The following BANP variants were observed in gnomAD, a reference collection of about 807,000 sequenced individuals.
The protein encoded by BANP is protein BANP.
Under a neutral mutation model 68.1 loss-of-function variants are expected in BANP, and 11 were observed. The observed-to-expected ratio is 0.16, with a 90% CI of 0.10 to 0.27. BANP has a LOEUF of 0.27. Among genes scored for constraint, BANP ranks in the 10% least tolerant of loss-of-function variants. The pLI is 1.00. For missense variants in BANP, 504 were observed against 722.7 expected, an observed-to-expected ratio of 0.70 and a Z score of 3.47; for synonymous variants, 329 against 303.2, an observed-to-expected ratio of 1.09 and a Z score of -0.88.
intron 11 of BANP, among the ~76,000 whole-genome samples, chr16:88,040,130 A>G (rs908128143): frequency 1.1e-4 from 17 of 152,146 alleles, no homozygotes; most frequent in Non-Finnish European, 1.8e-4. Context: ...ATCTTGGTAC[A>G]TGGCCCCTGC....
intron 8 of BANP, 80 bp downstream of exon 8, chr16:88,027,730 G>A: frequency 6.6e-7 from 1 of 1,525,404 alleles, no homozygotes; most frequent in Non-Finnish European, 8.9e-7. Flanking sequence ...GGCAGCCAGT[G>A]CGTGGCCAGC....
At chr16:88,058,240 T>C (rs971537042) in intron 11 of BANP, among the ~76,000 whole-genome samples, 2 of 152,148 alleles carry the variant, frequency 1.3e-5, no homozygotes, top group Non-Finnish European at 2.9e-5. Flanking sequence ...TTTGGGAAAC[T>C]GAAGGACAGT....
At chr16:88,014,754 G>A (rs560039547) in intron 6 of BANP, among the ~76,000 whole-genome samples, 45 of 152,152 alleles carry the variant, frequency 3.0e-4, no homozygotes, top group Admixed American at 3.3e-4. Context: ...TGGTGGCTCA[G>A]GATGCTGCTG....
In BANP at chr16:88,026,014, G is replaced by C. The variant is rs533971210; in HGVS notation, c.896-1469G>C. Reference sequence around the variant, plus strand: ...TCCTGTGGCCTAGTGGGAAGTGGCCGGGCGTGCAGTGGGGCGCTGGCTCCC... The same window carrying C: ...TCCTGTGGCCTAGTGGGAAGTGGCCCGGCGTGCAGTGGGGCGCTGGCTCCC... On this transcript the variant is annotated intron_variant, in intron 7 of 13. Coordinates refer to ENST00000682872, the MANE Select transcript of BANP (RefSeq NM_001386991.1). Among the ~76,000 whole-genome samples the C allele has an allele frequency of 3.3e-5, 5 of 152,294 alleles. No individual in the cohort carries two copies. In the East Asian group the frequency reaches 7.7e-4, roughly 24 times the overall value.
chr16:87,979,169 A>C (rs777369269), intron 2 of BANP, among the ~76,000 whole-genome samples: 1 of 152,128 alleles, frequency 6.6e-6, no homozygotes, highest in Non-Finnish European at 1.5e-5. Context: ...AGGCATGGAC[A>C]GTCTTTTTTG....
chr16:87,998,433 G>T (rs1336632720), intron 4 of BANP, among the ~76,000 whole-genome samples: 1 of 152,134 alleles, frequency 6.6e-6, no homozygotes, highest in African/African-American at 2.4e-5. Context: ...TGTGCCATCT[G>T]CGTGGGCTGC....
rs564047418 is a variant in BANP, at chr16:88,036,944, G to A, written c.1273-1029G>A. ...GGGCCTGAGTGGCTGCGAGGTGCAG[G>A]ATCCCAGCAGCACCTTCCAGTGCAG... On this transcript the variant is annotated intron_variant, in intron 10 of 13. Transcript: ENST00000682872. The surrounding 1 kb of genome is among the most constrained non-coding windows in gnomAD (Gnocchi z 4.2). Among the ~76,000 whole-genome samples, 1 of 152,288 alleles carries A rather than the reference G, an allele frequency of 6.6e-6. No homozygotes were observed. The highest frequency in any genetic ancestry group is 2.1e-4 in the South Asian group (1 of 4,820).
At chr16:87,959,156 G>A (rs754564700) in intron 1 of BANP, among the ~76,000 whole-genome samples, 1 of 152,226 alleles carries the variant, frequency 6.6e-6, no homozygotes, top group Non-Finnish European at 1.5e-5. Context: ...TGGCCTTGTG[G>A]GGCGTGGGAT....
intron 11 of BANP, among the ~76,000 whole-genome samples, chr16:88,050,283 G>A (rs1598872316): frequency 1.3e-5 from 2 of 151,718 alleles, no homozygotes; most frequent in South Asian, 2.1e-4. Context: ...CAGCCTCCCC[G>A]GTGGCTGGGA....
At chr16:87,958,416 G>A (rs531854867) in intron 1 of BANP, among the ~76,000 whole-genome samples, 8 of 152,306 alleles carry the variant, frequency 5.3e-5, no homozygotes, top group East Asian at 1.9e-4. Flanking sequence ...ACTTACCATC[G>A]TAGGCCCCAG....
At chr16:88,021,264 C>T (rs920010860) in intron 7 of BANP, among the ~76,000 whole-genome samples, 4 of 152,182 alleles carry the variant, frequency 2.6e-5, no homozygotes, top group Non-Finnish European at 5.9e-5. Flanking sequence ...CTGAGCTGGG[C>T]TCTGGAGCAC....
intron 6 of BANP, chr16:88,017,096 C>T (rs2074754269): frequency 6.6e-6 from 1 of 152,264 alleles, no homozygotes; most frequent in Non-Finnish European, 1.5e-5. Flanking sequence ...CTCCAGGCTT[C>T]CTGGCCCGGC....
intron 6 of BANP, among the ~76,000 whole-genome samples, chr16:88,012,272 T>C (rs1374494853): frequency 1.3e-5 from 2 of 152,246 alleles, no homozygotes; most frequent in African/African-American, 4.8e-5. Flanking sequence ...TATCCATTGT[T>C]GGAACCATGT....
At chr16:88,047,627 C>T (rs1832229775) in intron 11 of BANP, among the ~76,000 whole-genome samples, 1 of 152,136 alleles carries the variant, frequency 6.6e-6, no homozygotes, top group Non-Finnish European at 1.5e-5. Flanking sequence ...ATTCAGGGCG[C>T]CGGGCCTCAC....
chr16:88,075,930 G>C (rs1377589934), intron 13 of BANP, among the ~76,000 whole-genome samples: 1 of 151,786 alleles, frequency 6.6e-6, no homozygotes, highest in Admixed American at 6.6e-5. Flanking sequence ...ATTTATTGTA[G>C]AGACGAGGTT....
chr16:87,965,172 C>A (rs1296909233), intron 1 of BANP, among the ~76,000 whole-genome samples: 2 of 152,036 alleles, frequency 1.3e-5, no homozygotes, highest in Non-Finnish European at 2.9e-5. Flanking sequence ...GGAGTGGGGG[C>A]CAGGCAGGGA....
rs188561243 is a variant in BANP, at chr16:88,018,053, G to C, written c.656-375G>C. On this transcript the variant is annotated intron_variant, in intron 6 of 13. Transcript: ENST00000682872. The surrounding 1 kb of genome is among the most constrained non-coding windows in gnomAD (Gnocchi z 7.7). ...CTGGCAGTGAGGTGTGAGGGACCCC[G>C]GGGAGGGTTCCGCTCTGCAGGTGGC... Among the ~76,000 whole-genome samples the C allele has an allele frequency of 3.3e-5, 5 of 152,292 alleles. No homozygotes were observed. In the East Asian group the frequency reaches 9.6e-4, roughly 29 times the overall value.
chr16:87,988,486 C>G (rs1436067372), intron 4 of BANP, among the ~76,000 whole-genome samples: 1 of 151,842 alleles, frequency 6.6e-6, no homozygotes, highest in Admixed American at 6.6e-5. Flanking sequence ...AGTCTGATCT[C>G]AAACTCCTGA....
rs559599359 is a variant in BANP at position 88,027,517 on chromosome 16, C to T, written c.930C>T (p.Ser310=). The T allele has an allele frequency of 2.2e-5, 36 of 1,613,816 alleles. No homozygotes were observed. The highest frequency in any genetic ancestry group is 6.6e-5 in the South Asian group (6 of 91,078). ...TCTATAAATTTGGCATCACAGAATC[C>T]GACTGGTACCGAATCAAGCAGAGCA... The part of the protein sequence containing the change: ...HLFYKFGITE[S]DWYRIKQSID... The change falls in exon 8 of 14, where the codon TCC becomes TCT. Residue 310 remains serine (S), a synonymous_variant. Coordinates refer to ENST00000682872, the MANE Select transcript of BANP (RefSeq NM_001386991.1).
Sources: allele counts gnomAD v4.1 joint callset (sites outside exome capture counted in the v4.1 genomes callset), GRCh38; gene constraint gnomAD v4.1.1; non-coding constraint Gnocchi (gnomAD v3.1); transcripts MANE v1.5; gene names NCBI Gene and HGNC (gene_info 2026-07-23, HGNC 2026-07-21).